HS3ST5: variants seen among roughly 807,000 people sequenced by gnomAD.
HS3ST5 encodes heparan sulfate-glucosamine 3-sulfotransferase 5.
A neutral mutation model predicts 25.4 loss-of-function variants in HS3ST5; 10 were observed. That is an observed-to-expected ratio of 0.39 (90% CI 0.24 to 0.67). The LOEUF (loss-of-function observed/expected upper bound fraction) is 0.67, where lower values mean the gene tolerates loss of function less well. Ranked by LOEUF, HS3ST5 falls within the 30% of genes least tolerant of loss-of-function variation. The pLI, the probability that HS3ST5 is intolerant of heterozygous loss-of-function variation, is 0.44. For synonymous variants in HS3ST5, 170 were observed against 162.4 expected (o/e 1.05, Z -0.36); for missense variants, 324 against 420.7 (o/e 0.77, Z 2.01).
chr6:114,309,080 T>TA (rs1482446504), intron 1 of HS3ST5, among the ~76,000 whole-genome samples: 1 of 152,102 alleles, frequency 6.6e-6, no homozygotes, highest in African/African-American at 2.4e-5. Context: ...GAGTCACACT[T>TA]ACAGAGATCC....
intron 2 of HS3ST5, among the ~76,000 whole-genome samples, chr6:114,174,037 CT>C (rs1214428874): frequency 1.3e-5 from 2 of 152,118 alleles, no homozygotes; most frequent in African/African-American, 4.8e-5. Context: ...GCCCCTCCCC[CT>C]GATTGTGACC....
Position 114,086,060 on chromosome 6 carries a change from GA to G in HS3ST5, c.-32-23184del, listed in dbSNP as rs562114287. Among the ~76,000 whole-genome samples the G allele has an allele frequency of 6.7e-5, 10 of 149,888 alleles. No homozygotes were observed. The East Asian group carries it at 1.2e-3, about 18-fold the overall frequency. ...AACAAATGCTTCTTTCAGTTTACAG[GA>G]AAAAAAACGGTTCTATTTGAAAGTT... On this transcript the variant is annotated intron_variant, in intron 3 of 4. Transcript: ENST00000312719.
At chr6:114,187,344 G>A (rs1487914800) in intron 2 of HS3ST5, among the ~76,000 whole-genome samples, 2 of 152,218 alleles carry the variant, frequency 1.3e-5, no homozygotes, top group Non-Finnish European at 2.9e-5. Context: ...TACATGGGAG[G>A]AGTTCAAAAT....
chr6:114,268,328 G>T (rs1773497001), intron 1 of HS3ST5, among the ~76,000 whole-genome samples: 1 of 152,166 alleles, frequency 6.6e-6, no homozygotes, highest in Admixed American at 6.5e-5. Context: ...AGGGTAGCCA[G>T]CTCAGATCTG....
chr6:114,094,452 T>C (rs1305087281), intron 3 of HS3ST5, among the ~76,000 whole-genome samples: 1 of 152,336 alleles, frequency 6.6e-6, no homozygotes, highest in South Asian at 2.1e-4. Context: ...TGTGAGACAC[T>C]GAAGAACAAA....
chr6:114,113,135 C>A (rs181641982), intron 3 of HS3ST5, among the ~76,000 whole-genome samples: 61 of 152,308 alleles, frequency 4.0e-4, no homozygotes, highest in African/African-American at 1.4e-3. Context: ...AGTCCAGTTA[C>A]TTCTGTCATC....
intron 3 of HS3ST5, among the ~76,000 whole-genome samples, chr6:114,121,433 C>T (rs1776779792): frequency 6.6e-6 from 1 of 152,074 alleles, no homozygotes; most frequent in Non-Finnish European, 1.5e-5. Flanking sequence ...AATTCTTTTA[C>T]ATATTTTTTG....
chr6:114,263,303 A>T (rs556512439), intron 1 of HS3ST5, among the ~76,000 whole-genome samples: 1 of 152,256 alleles, frequency 6.6e-6, no homozygotes, highest in African/African-American at 2.4e-5. Context: ...AGAAAATTAT[A>T]GCCTCCATCT....
At chr6:114,310,754 G>C (rs1384682394) in intron 1 of HS3ST5, among the ~76,000 whole-genome samples, 1 of 152,076 alleles carries the variant, frequency 6.6e-6, no homozygotes, top group African/African-American at 2.4e-5. Context: ...TTGATAAGTA[G>C]AGAACTGTCT....
At chr6:114,208,262 T>A (rs1002012787) in intron 2 of HS3ST5, among the ~76,000 whole-genome samples, 10 of 152,174 alleles carry the variant, frequency 6.6e-5, no homozygotes, top group African/African-American at 2.4e-4. Flanking sequence ...TCTCAATAAA[T>A]TCTGATAATC....
intron 3 of HS3ST5, among the ~76,000 whole-genome samples, chr6:114,078,761 T>C (rs1053651167): frequency 2.0e-5 from 3 of 152,198 alleles, no homozygotes; most frequent in Non-Finnish European, 4.4e-5. Context: ...CCCCTTTCTA[T>C]GAAGATTTGT....
chr6:114,276,611 G>GA (rs11448440), intron 1 of HS3ST5, among the ~76,000 whole-genome samples: 138,942 of 144,570 alleles, frequency 0.96, 66,710 homozygotes, highest in East Asian at 0.99. Context: ...GAGAGTGTGG[G>GA]AAAAAAAAAA....
chr6:114,189,458 TA>T (rs566640139), intron 2 of HS3ST5, among the ~76,000 whole-genome samples: 1 of 151,940 alleles, frequency 6.6e-6, no homozygotes, highest in African/African-American at 2.4e-5. Context: ...TCTCCTCCAT[TA>T]AAAAAAATCT....
At chr6:114,315,294 T>C (rs906248601) in intron 1 of HS3ST5, among the ~76,000 whole-genome samples, 2 of 152,186 alleles carry the variant, frequency 1.3e-5, no homozygotes, top group Non-Finnish European at 2.9e-5. Context: ...ATCTATTTGT[T>C]GTCCATCACA....
chr6:114,324,117 A>T (rs888051455), intron 1 of HS3ST5, among the ~76,000 whole-genome samples: 1 of 152,136 alleles, frequency 6.6e-6, no homozygotes, highest in Admixed American at 6.5e-5. Context: ...TGCTATAGTT[A>T]TTTTTGCACA....
intron 1 of HS3ST5, among the ~76,000 whole-genome samples, chr6:114,308,149 C>A (rs73542402): frequency 0.036 from 5,418 of 152,038 alleles, 326 homozygotes; most frequent in African/African-American, 0.12. Context: ...TTAAGTTGAA[C>A]ATCTATATAC....
chr6:114,269,462 A>G (rs1317899680), intron 1 of HS3ST5, among the ~76,000 whole-genome samples: 1 of 152,152 alleles, frequency 6.6e-6, no homozygotes, highest in East Asian at 1.9e-4. Context: ...ATTTTCTGGG[A>G]AGGGACAATT....
intron 2 of HS3ST5, among the ~76,000 whole-genome samples, chr6:114,170,786 T>C (rs555126808): frequency 1.3e-5 from 2 of 152,296 alleles, no homozygotes; most frequent in African/African-American, 4.8e-5. Flanking sequence ...TTTTAATGAT[T>C]AGCTGCCTGC....
At chr6:114,317,165 T>C (rs191773029) in intron 1 of HS3ST5, among the ~76,000 whole-genome samples, 83 of 152,340 alleles carry the variant, frequency 5.4e-4, no homozygotes, top group African/African-American at 1.9e-3. Context: ...TGTAAAAATA[T>C]CAAATGTGGA....
Sources: allele counts gnomAD v4.1 joint callset (sites outside exome capture counted in the v4.1 genomes callset), GRCh38; gene constraint gnomAD v4.1.1; transcripts MANE v1.5; gene names NCBI Gene and HGNC (gene_info 2026-07-23, HGNC 2026-07-21).